The following ANKRD18B variants were observed in gnomAD, a reference collection of about 807,000 sequenced individuals.
The protein encoded by ANKRD18B is ankyrin repeat domain-containing protein 18B.
In ANKRD18B, 75 loss-of-function variants were observed where a neutral mutation model predicts 111.8. The observed-to-expected ratio is 0.67, with a 90% confidence interval of 0.56 to 0.81. The LOEUF (loss-of-function observed/expected upper bound fraction) is 0.81, where lower values mean the gene tolerates loss of function less well. Among genes scored for constraint, ANKRD18B ranks in the 40% least tolerant of loss-of-function variants. The probability of loss-of-function intolerance (pLI) is 0.00; values close to 1 mark genes in which losing one functional copy is unlikely to be tolerated. For synonymous variants in ANKRD18B, 356 were observed against 417.3 expected (o/e 0.85, Z 1.79); for missense variants, 1,038 against 1,225.5 (o/e 0.85, Z 2.28).
At chr9:33,539,169 G>A (rs762964419) in intron 6 of ANKRD18B, among the ~76,000 whole-genome samples, 1 of 152,134 alleles carries the variant, frequency 6.6e-6, no homozygotes, top group Admixed American at 6.5e-5. Context: ...AATACAGTTG[G>A]GAGATTGTTA....
intron 18 of ANKRD18B, 83 bp downstream of exon 18, chr9:33,571,374 T>C (rs1315004063): frequency 1.7e-6 from 1 of 579,678 alleles, no homozygotes; most frequent in East Asian, 8.4e-5. Flanking sequence ...CTTTTCATTG[T>C]TGGGTTAGTA....
At chr9:33,551,989 T>A (rs1464060824) in intron 12 of ANKRD18B, among the ~76,000 whole-genome samples, 1 of 152,238 alleles carries the variant, frequency 6.6e-6, no homozygotes, top group Non-Finnish European at 1.5e-5. Context: ...GATTTTAATT[T>A]TTAATGGAAG....
chr9:33,560,971 A>AG (rs1159652958), intron 14 of ANKRD18B, among the ~76,000 whole-genome samples: 1 of 152,156 alleles, frequency 6.6e-6, no homozygotes, highest in African/African-American at 2.4e-5. Flanking sequence ...TCTCAAAAAA[A>AG]TATAGTAATA....
intron 4 of ANKRD18B, chr9:33,533,871 C>T (rs1432704153): frequency 6.2e-6 from 1 of 161,022 alleles, no homozygotes; most frequent in African/African-American, 2.5e-5. Flanking sequence ...ACAACTACTA[C>T]TATTACCATT....
chr9:33,571,789 C>G (rs1326133036), intron 18 of ANKRD18B: 2 of 154,548 alleles, frequency 1.3e-5, no homozygotes, highest in Non-Finnish European at 2.9e-5. Flanking sequence ...CCGCAGGGCT[C>G]TTTGTTACCT....
chr9:33,534,685 G>A (rs1828170205), intron 5 of ANKRD18B, among the ~76,000 whole-genome samples, 178 bp downstream of exon 5: 1 of 152,190 alleles, frequency 6.6e-6, no homozygotes, highest in African/African-American at 2.4e-5. Context: ...GTTAGAAGTA[G>A]CAATGAGTGC....
At position 33,548,716 on chromosome 9, in the gene ANKRD18B, T is replaced by C; in HGVS notation, c.1928T>C (p.Ile643Thr). The C allele has an allele frequency of 1.9e-6, 3 of 1,551,038 alleles. No homozygotes were observed. The highest frequency in any genetic ancestry group is 2.6e-6 in the Non-Finnish European group (3 of 1,146,604). The change falls in exon 11 of 19, where the codon ATA (isoleucine) becomes ACA (threonine). Residue 643 changes from isoleucine (I) to threonine (T), a missense_variant. By Grantham distance (89) the Ile-to-Thr change is moderately conservative (BLOSUM62 -1). Around this residue, in one of 4 missense-constraint regions of ANKRD18B, gnomAD observed 524 missense variants for 677.9 expected, o/e 0.77. Coordinates refer to ENST00000684830, the MANE Select transcript of ANKRD18B (RefSeq NM_001393611.1). ...CGTAAGGAAGGTGATAATAAAGAGA[T>C]AGTCATTAATATCCACAGAGACTGT... ...DARKEGDNKE[I>T]VINIHRDCLE...
chr9:33,574,119 G>A (rs2118164676), downstream of ANKRD18B, among the ~76,000 whole-genome samples: 1 of 143,930 alleles, frequency 6.9e-6, no homozygotes, highest in East Asian at 2.1e-4. Context: ...GTGGGGGTGA[G>A]GTGAGCAGCA....
intron 14 of ANKRD18B, among the ~76,000 whole-genome samples, chr9:33,560,449 T>C (rs1270217119): frequency 6.6e-6 from 1 of 152,204 alleles, no homozygotes; most frequent in Non-Finnish European, 1.5e-5. Flanking sequence ...GCACCGGATG[T>C]TTTATCTGGT....
At chr9:33,563,340 C>G (rs520526) in intron 14 of ANKRD18B, among the ~76,000 whole-genome samples, 4 of 152,212 alleles carry the variant, frequency 2.6e-5, no homozygotes, top group Non-Finnish European at 1.5e-5. Flanking sequence ...CTCCCCTCAG[C>G]TTCCCTAGGA....
At chr9:33,533,136 C>T (rs1160965650) in intron 3 of ANKRD18B, among the ~76,000 whole-genome samples, 6 of 152,060 alleles carry the variant, frequency 3.9e-5, no homozygotes, top group Non-Finnish European at 7.4e-5. Flanking sequence ...CTCTTGGTTT[C>T]AGTGGGAAAC....
At chr9:33,574,527 G>A (rs1255305772), downstream of ANKRD18B, 1 of 152,686 alleles carries the variant, frequency 6.5e-6, no homozygotes, top group African/African-American at 2.4e-5. Context: ...ACCTAGAGAG[G>A]GTGCCAGCCC....
At position 33,572,596 on chromosome 9, in the gene ANKRD18B, A is replaced by G. The variant is rs1828797834; in HGVS notation, c.*162A>G. The G allele has an allele frequency of 8.0e-7, 1 of 1,255,896 alleles. No homozygotes were observed. The highest frequency in any genetic ancestry group is 1.5e-5 in the African/African-American group (1 of 64,956). 77.8% of individuals were successfully genotyped at this position (1,255,896 alleles called of 1,614,324 possible). ...ATTTTTTTAGCCTCCTTAAGTTTTAAGTGGATCTTGCAAATGAACACCAGT... is the reference window on the plus strand; with the variant it reads ...ATTTTTTTAGCCTCCTTAAGTTTTAGGTGGATCTTGCAAATGAACACCAGT... On this transcript the variant is annotated 3_prime_UTR_variant, in exon 19 of 19. Coordinates refer to ENST00000684830, the MANE Select transcript of ANKRD18B (RefSeq NM_001393611.1).
rs947673574 is a variant in ANKRD18B, at chr9:33,551,131, A to T, written c.2217+552A>T. On this transcript the variant is annotated intron_variant, in intron 12 of 18. Transcript: ENST00000684830. ...CCTTCATCTTCCTTTCATTTAAAATATATTGTAATGGCGTAGAAATACTCA... is the reference window on the plus strand; with the variant it reads ...CCTTCATCTTCCTTTCATTTAAAATTTATTGTAATGGCGTAGAAATACTCA... 2.5e-4 allele frequency among the ~76,000 whole-genome samples: 38 copies of T among 152,258 alleles called. 1 individual carries two copies. Among genetic ancestry groups the T allele is most frequent in the Non-Finnish European group, 1.5e-5 (1 of 68,052 alleles).
chr9:33,528,057 G>C (rs563015569), intron 1 of ANKRD18B, among the ~76,000 whole-genome samples: 1 of 152,194 alleles, frequency 6.6e-6, no homozygotes, highest in Non-Finnish European at 1.5e-5. Flanking sequence ...CTAGAACTTT[G>C]GAAGGCTGAG....
chr9:33,568,855 C>G lies in ANKRD18B; in HGVS notation c.3139C>G (p.Pro1047Ala), dbSNP rs1288181671. ...KMAIRIPTSNPQTSNNCKNSL... is the reference protein window; with the variant it reads ...KMAIRIPTSNAQTSNNCKNSL... ...GGCCATAAGAATTCCTACTTCAAAC[C>G]CACAGACTTCAAATAACTGCAAGAA... Residue 1047 changes from proline (P) to alanine (A), a missense_variant, in exon 17 of 19, where the codon CCA becomes GCA. Pro to Ala is a conservative substitution (Grantham distance 27). Around this residue, in one of 4 missense-constraint regions of ANKRD18B, gnomAD observed 524 missense variants for 677.9 expected, o/e 0.77. Coordinates refer to ENST00000684830, the MANE Select transcript of ANKRD18B (RefSeq NM_001393611.1). 6.4e-7 allele frequency: 1 copy of G among 1,550,988 alleles called. No homozygotes were observed. The highest frequency in any genetic ancestry group is 8.7e-7 in the Non-Finnish European group (1 of 1,146,666).
At chr9:33,531,144 T>A (rs1230377796) in intron 3 of ANKRD18B, among the ~76,000 whole-genome samples, 2 of 152,248 alleles carry the variant, frequency 1.3e-5, no homozygotes, top group Non-Finnish European at 2.9e-5. Context: ...TCAGCATTCC[T>A]ATGAACTAAT....
At chr9:33,554,783 A>G (rs2118086999) in intron 12 of ANKRD18B, among the ~76,000 whole-genome samples, 1 of 152,286 alleles carries the variant, frequency 6.6e-6, no homozygotes, top group African/African-American at 2.4e-5. Flanking sequence ...GGCCCAGAAC[A>G]AAGACAGCAC....
At chr9:33,551,090 G>A (rs191101429) in intron 12 of ANKRD18B, among the ~76,000 whole-genome samples, 8,109 of 152,212 alleles carry the variant, frequency 0.053, 262 homozygotes, top group South Asian at 0.099. Flanking sequence ...CAAACTACTT[G>A]AAAAGTTAGG....
Sources: gnomAD v4.1 joint callset for allele counts (sites outside exome capture counted in the v4.1 genomes callset) on GRCh38, gnomAD v4.1.1 for gene constraint, gnomAD v4.1.1 regional missense constraint, MANE v1.5 for transcripts, NCBI Gene and HGNC (gene_info 2026-07-23, HGNC 2026-07-21) for gene names.